Variants in KATNIP observed in about 807,000 individuals in gnomAD.
The protein encoded by KATNIP is katanin interacting protein, also known as katanin-interacting protein.
KATNIP carries 126 observed loss-of-function variants against 174.0 expected under a neutral mutation model. The observed-to-expected ratio is 0.72, with a 90% confidence interval of 0.63 to 0.84. The LOEUF (loss-of-function observed/expected upper bound fraction) is 0.84. Among genes scored for constraint, KATNIP ranks in the 40% least tolerant of loss-of-function variants. KATNIP has a pLI of 0.00. For missense variants in KATNIP, 1,958 were observed against 2,109.7 expected, an observed-to-expected ratio of 0.93 and a Z score of 1.41; for synonymous variants, 810 against 835.7, an observed-to-expected ratio of 0.97 and a Z score of 0.53.
chr16:27,756,236 T>A (rs1417612490), intron 18 of KATNIP, among the ~76,000 whole-genome samples: 3 of 152,214 alleles, frequency 2.0e-5, no homozygotes, highest in Non-Finnish European at 4.4e-5. Flanking sequence ...TAGAGGAAGG[T>A]GCCTTATTTG....
chr16:27,693,515 A>C (rs550841437), intron 8 of KATNIP, among the ~76,000 whole-genome samples: 1 of 152,050 alleles, frequency 6.6e-6, no homozygotes, highest in Non-Finnish European at 1.5e-5. Context: ...CAGCCTCCCA[A>C]GTAGCTGGGA....
intron 5 of KATNIP, among the ~76,000 whole-genome samples, chr16:27,638,172 C>A (rs1351692762): frequency 6.6e-6 from 1 of 152,192 alleles, no homozygotes; most frequent in Non-Finnish European, 1.5e-5. Flanking sequence ...GCACCCCCTC[C>A]TACCTCCATC....
intron 2 of KATNIP, among the ~76,000 whole-genome samples, chr16:27,579,716 C>G (rs538732898): frequency 6.6e-6 from 1 of 151,982 alleles, no homozygotes; most frequent in South Asian, 2.1e-4. Flanking sequence ...AACGGAAGGC[C>G]GTTTTTGCAG....
At chr16:27,575,385 C>T (rs1336404873) in intron 2 of KATNIP, among the ~76,000 whole-genome samples, 3 of 152,178 alleles carry the variant, frequency 2.0e-5, no homozygotes, top group East Asian at 3.9e-4. Context: ...GCCCTTTGAT[C>T]ATGTCCCAGG....
At chr16:27,715,595 A>G (rs1317879967) in intron 13 of KATNIP, among the ~76,000 whole-genome samples, 4 of 152,218 alleles carry the variant, frequency 2.6e-5, no homozygotes, top group Admixed American at 2.6e-4. Flanking sequence ...GTAATGACAA[A>G]AAGATGAACA....
chr16:27,666,449 A>T (rs1196295963), intron 6 of KATNIP, among the ~76,000 whole-genome samples: 1 of 151,604 alleles, frequency 6.6e-6, no homozygotes, highest in African/African-American at 2.4e-5. Context: ...ACAGAGTCTC[A>T]CTCTGTCACC....
chr16:27,685,338 C>G (rs557686990), intron 8 of KATNIP: 1 of 152,274 alleles, frequency 6.6e-6, no homozygotes, highest in East Asian at 1.9e-4. Context: ...TTGCAGTGAG[C>G]TGAGATTGGA....
intron 2 of KATNIP, among the ~76,000 whole-genome samples, chr16:27,608,296 TCATA>T (rs1432576330): frequency 1.4e-5 from 2 of 143,854 alleles, no homozygotes; most frequent in East Asian, 4.3e-4. Flanking sequence ...ACTGGTGCAA[TCATA>T]GCTCACTGCA....
chr16:27,607,631 T>G (rs1048066178), intron 2 of KATNIP, among the ~76,000 whole-genome samples: 3 of 130,466 alleles, frequency 2.3e-5, no homozygotes, highest in African/African-American at 8.8e-5. Context: ...GGAACCTCAC[T>G]CTGTCACCCA....
chr16:27,551,519 T>C (rs780055762), intron 1 of KATNIP, among the ~76,000 whole-genome samples: 3 of 152,222 alleles, frequency 2.0e-5, no homozygotes, highest in Admixed American at 1.3e-4. Context: ...TTTATTTATA[T>C]TTATGATATT....
At position 27,777,941 on chromosome 16, in the gene KATNIP, G is replaced by C; in HGVS notation, c.4773G>C (p.Ala1591=). The C allele has an allele frequency of 6.2e-7, 1 of 1,614,114 alleles. No homozygotes were observed. Among genetic ancestry groups the C allele is most frequent in the Non-Finnish European group, 8.5e-7 (1 of 1,179,984 alleles). ...ATGAAAACCAAATCATTACCAACGC[G>C]AAACGGAAGCAGAGCGTTGTTGACC... ...MMNENQIITN[A]KRKQSVVDPA... is the part of the protein sequence containing the mutation. The change falls in exon 27 of 28, where the codon GCG becomes GCC. Residue 1591 remains alanine (A), a synonymous_variant. Transcript: ENST00000261588. The surrounding 1 kb of genome is among the most constrained non-coding windows in gnomAD (Gnocchi z 4.4).
intron 13 of KATNIP, among the ~76,000 whole-genome samples, chr16:27,720,617 A>G (rs2080186189): frequency 6.6e-6 from 1 of 151,102 alleles, no homozygotes; most frequent in South Asian, 2.1e-4. Context: ...GGGGCCTGAC[A>G]TGGACGTGAA....
Position 27,775,095 on chromosome 16 carries a change from G to A in KATNIP, c.4449+11G>A, listed in dbSNP as rs200602914. The A allele has an allele frequency of 1.0e-4, 161 of 1,609,432 alleles. 1 individual carries two copies. In the African/African-American group the frequency reaches 1.8e-3, roughly 18 times the overall value. On this transcript the variant is annotated intron_variant, in intron 24 of 27. Transcript: ENST00000261588. The stretch of plus-strand genomic sequence containing the variant: ...ATCCTGCCGGGCCTGGTGGGTTCCC[G>A]GCAGCGGCCACCGCAGCTCCTGGCC...
rs144562910 is a variant in KATNIP at position 27,650,573 on chromosome 16, A to T, written c.540+1838A>T. Among the ~76,000 whole-genome samples, 29 of 152,284 alleles carry T rather than the reference A, an allele frequency of 1.9e-4. No homozygotes were observed. In the East Asian group the frequency reaches 5.6e-3, roughly 29 times the overall value. On this transcript the variant is annotated intron_variant, in intron 6 of 27. Coordinates refer to ENST00000261588, the MANE Select transcript of KATNIP (RefSeq NM_015202.5). The stretch of plus-strand genomic sequence containing the variant: ...TTCAGTGACGTCACCGCAAAGGCAG[A>T]GTCTTGCTTCTACGTATCGCTTTTA...
At chr16:27,690,364 G>GATAGATA (rs1567304125) in intron 8 of KATNIP, among the ~76,000 whole-genome samples, 65 of 44,232 alleles carry the variant, frequency 1.5e-3, no homozygotes, top group African/African-American at 5.0e-3. Flanking sequence ...ATAGATAGAT[G>GATAGATA]ATAGATAGAT....
intron 6 of KATNIP, among the ~76,000 whole-genome samples, chr16:27,674,744 T>C (rs902370695): frequency 2.0e-5 from 3 of 152,184 alleles, no homozygotes; most frequent in African/African-American, 7.2e-5. Context: ...ATGGACATCT[T>C]TGGGGGCTAT....
rs2076396468 is a variant in KATNIP, at chr16:27,628,580, A to G, written c.141-81A>G. On this transcript the variant is annotated intron_variant, in intron 3 of 27. Coordinates refer to ENST00000261588, the MANE Select transcript of KATNIP (RefSeq NM_015202.5). Reference sequence around the variant, plus strand: ...ATTAGAGACGCTTCACTGTGGGAACAGCAGTTCACTCCTGGCTTGGGGGTA... The same window carrying G: ...ATTAGAGACGCTTCACTGTGGGAACGGCAGTTCACTCCTGGCTTGGGGGTA... 3 of 1,428,246 alleles carry G rather than the reference A, an allele frequency of 2.1e-6. No homozygotes were observed. The Admixed American group carries it at 5.4e-5, about 26-fold the overall frequency. The allele number at this position is 1,428,246 out of a possible 1,614,324, so 88.5% of individuals were successfully genotyped here. A position where few individuals can be genotyped will look rare whatever the true frequency, so the allele number is the denominator to read the frequency against.
chr16:27,553,736 T>C (rs1423941034), intron 1 of KATNIP, among the ~76,000 whole-genome samples: 10 of 152,132 alleles, frequency 6.6e-5, no homozygotes, highest in Admixed American at 6.6e-4. Flanking sequence ...CTAAGGAGAC[T>C]GAGGTGTGGG....
chr16:27,550,673 T>C (rs182989124), intron 1 of KATNIP, among the ~76,000 whole-genome samples: 71 of 152,292 alleles, frequency 4.7e-4, no homozygotes, highest in Middle Eastern at 3.4e-3. Flanking sequence ...TACCAAGAAC[T>C]CTGTAAGTAC....
Sources: gnomAD v4.1 joint callset for allele counts (sites outside exome capture counted in the v4.1 genomes callset) on GRCh38, gnomAD v4.1.1 for gene constraint, Gnocchi (gnomAD v3.1) non-coding constraint, MANE v1.5 for transcripts, NCBI Gene and HGNC (gene_info 2026-07-23, HGNC 2026-07-21) for gene names.